Variants in ERC1 observed in about 807,000 individuals in gnomAD.
ERC1 encodes the protein ELKS/RAB6-interacting/CAST family member 1.
In ERC1, 56 loss-of-function variants were observed where a neutral mutation model predicts 132.0. The ratio of observed to expected loss-of-function variants is 0.42; its 90% CI spans 0.34 to 0.53. The LOEUF is 0.53. Among genes scored for constraint, ERC1 ranks in the 20% least tolerant of loss-of-function variants. The pLI is 0.03. For missense variants in ERC1, 1,202 were observed against 1,349.9 expected (o/e 0.89, Z 1.72); for synonymous variants, 478 against 476.1 (o/e 1.00, Z -0.05).
rs763328898 is a variant in ERC1 at position 1,362,470 on chromosome 12, G to GTCTC, written c.2781-9352_2781-9349dup. The stretch of plus-strand genomic sequence containing the variant: ...TCTGTCTCTCTCTCTCTCTCTCTCT[G>GTCTC]TCTCTCTCTCTCTCGAAGAGCTGGA... On this transcript the variant is annotated intron_variant, in intron 15 of 18. Transcript: ENST00000360905. 2.1e-3 allele frequency among the ~76,000 whole-genome samples: 309 copies of GTCTC among 149,066 alleles called. 2 individuals are homozygous for GTCTC. The highest frequency in any genetic ancestry group is 7.3e-3 in the African/African-American group (293 of 40,066).
At chr12:1,124,812 A>C (rs1452574663) in intron 7 of ERC1, among the ~76,000 whole-genome samples, 1 of 152,124 alleles carries the variant, frequency 6.6e-6, no homozygotes, top group Non-Finnish European at 1.5e-5. Flanking sequence ...TATTCGAATA[A>C]GCTTGAAAAA....
Position 1,383,069 on chromosome 12 carries a change from C to T in ERC1, c.2925+11092C>T, listed in dbSNP as rs116657062. ...AACAATTTGATAAGACTCTTCCCTT[C>T]ATTTCCAGCATCAAATCTAACTTGC... is the stretch of plus-strand genomic sequence containing the variant. On this transcript the variant is annotated intron_variant, in intron 16 of 18. Transcript: ENST00000360905. Among the ~76,000 whole-genome samples, 1,072 of 152,312 alleles carry T rather than the reference C, an allele frequency of 7.0e-3. 6 individuals carry two copies. Among genetic ancestry groups the T allele is most frequent in the African/African-American group, 0.022 (928 of 41,564 alleles).
intron 16 of ERC1, among the ~76,000 whole-genome samples, chr12:1,394,200 A>G (rs572147855): frequency 6.6e-6 from 1 of 151,186 alleles, no homozygotes; most frequent in Non-Finnish European, 1.5e-5. Context: ...GGAGATCGAG[A>G]CCATCCTGGC....
intron 13 of ERC1, 114 bp downstream of exon 13, chr12:1,237,018 G>A: frequency 7.9e-7 from 1 of 1,271,586 alleles, no homozygotes; most frequent in Non-Finnish European, 1.1e-6. Flanking sequence ...AACCCTGCTT[G>A]CTGCCTTCCT....
At chr12:1,139,152 C>T (rs184162584) in intron 7 of ERC1, among the ~76,000 whole-genome samples, 2 of 152,254 alleles carry the variant, frequency 1.3e-5, no homozygotes, top group Admixed American at 6.5e-5. Flanking sequence ...ATGGAAAATT[C>T]CAGAAAAGAA....
intron 16 of ERC1, among the ~76,000 whole-genome samples, chr12:1,390,146 G>A (rs1253863872): frequency 6.6e-6 from 1 of 151,980 alleles, no homozygotes; most frequent in Non-Finnish European, 1.5e-5. Context: ...TATTTTCTTT[G>A]GTAGATTATT....
intron 12 of ERC1, among the ~76,000 whole-genome samples, chr12:1,234,622 G>A (rs192972048): frequency 1.0e-3 from 157 of 152,298 alleles, no homozygotes; most frequent in African/African-American, 3.7e-3. Flanking sequence ...TATGAGAAGC[G>A]TAAAGCGCCA....
chr12:1,349,328 T>G lies in ERC1; in HGVS notation c.2781-22505T>G, dbSNP rs199781672. 2.6e-5 allele frequency among the ~76,000 whole-genome samples: 4 copies of G among 152,320 alleles called. No homozygotes were observed. In the East Asian group the frequency reaches 7.7e-4, roughly 29 times the overall value. ...AGTGAGATTGATTAGGATTAATAGC[T>G]TTTTGTCCTAGCTAAAAAGTGTTCG... On this transcript the variant is annotated intron_variant, in intron 15 of 18. Transcript: ENST00000360905.
chr12:1,144,614 G>GTGTATATATATATATATATATATA (rs1555268149), intron 8 of ERC1, among the ~76,000 whole-genome samples: 2 of 132,298 alleles, frequency 1.5e-5, no homozygotes, highest in African/African-American at 6.3e-5. Context: ...GAATTTTGTG[G>GTGTATATATATATATATATATATA]TATATATATA....
chr12:1,330,835 T>C (rs1018534044), intron 15 of ERC1, among the ~76,000 whole-genome samples: 6 of 152,206 alleles, frequency 3.9e-5, no homozygotes, highest in African/African-American at 1.4e-4. Context: ...TGTCTCTTAA[T>C]TTATCTTCTC....
intron 7 of ERC1, among the ~76,000 whole-genome samples, chr12:1,139,254 C>T (rs761509752): frequency 1.3e-5 from 2 of 152,098 alleles, no homozygotes; most frequent in Non-Finnish European, 2.9e-5. Context: ...GTGAATCTTC[C>T]TTCTGTCCAG....
intron 8 of ERC1, among the ~76,000 whole-genome samples, chr12:1,146,943 G>A (rs1950435767): frequency 6.6e-6 from 1 of 152,108 alleles, no homozygotes; most frequent in South Asian, 2.1e-4. Context: ...TCCTTACAAA[G>A]GACACAAACT....
At chr12:1,049,305 G>T (rs1351846083) in intron 2 of ERC1, among the ~76,000 whole-genome samples, 1 of 152,200 alleles carries the variant, frequency 6.6e-6, no homozygotes, top group African/African-American at 2.4e-5. Context: ...CCTGCTCATG[G>T]CAGATCATCT....
chr12:1,272,375 A>G (rs1434905485), intron 14 of ERC1, among the ~76,000 whole-genome samples: 1 of 152,200 alleles, frequency 6.6e-6, no homozygotes, highest in Non-Finnish European at 1.5e-5. Flanking sequence ...TGGTTGATTC[A>G]GCACCAGCAG....
At chr12:1,206,062 A>T (rs1273329871) in intron 12 of ERC1, among the ~76,000 whole-genome samples, 2 of 152,162 alleles carry the variant, frequency 1.3e-5, no homozygotes, top group Admixed American at 1.3e-4. Flanking sequence ...ATTAAATCAT[A>T]CTTATTTCTA....
intron 17 of ERC1, among the ~76,000 whole-genome samples, chr12:1,429,583 G>A (rs1176603586): frequency 6.6e-6 from 1 of 152,154 alleles, no homozygotes; most frequent in Non-Finnish European, 1.5e-5. Context: ...GCCTAACACT[G>A]CATTAGGTAC....
intron 12 of ERC1, among the ~76,000 whole-genome samples, chr12:1,212,674 G>T (rs1166387402): frequency 6.6e-6 from 1 of 152,134 alleles, no homozygotes; most frequent in Non-Finnish European, 1.5e-5. Context: ...GGGAAACAGG[G>T]CCTCTCTGCA....
intron 7 of ERC1, among the ~76,000 whole-genome samples, chr12:1,129,936 A>C (rs1392090638): frequency 6.6e-6 from 1 of 152,210 alleles, no homozygotes; most frequent in Non-Finnish European, 1.5e-5. Context: ...TAGTGCCGTT[A>C]CAGCCAAAAC....
At chr12:1,304,995 G>C (rs377187508) in intron 15 of ERC1, among the ~76,000 whole-genome samples, 2 of 151,198 alleles carry the variant, frequency 1.3e-5, no homozygotes, top group African/African-American at 4.9e-5. Flanking sequence ...TCACCGTGTT[G>C]GCCAGGATGG....
Sources: allele counts gnomAD v4.1 joint callset (sites outside exome capture counted in the v4.1 genomes callset), GRCh38; gene constraint gnomAD v4.1.1; transcripts MANE v1.5; gene names NCBI Gene and HGNC (gene_info 2026-07-23, HGNC 2026-07-21).